LTBP1: variants seen among roughly 807,000 people sequenced by gnomAD.
The protein encoded by LTBP1 is latent-transforming growth factor beta-binding protein 1.
Under a neutral mutation model 207.6 loss-of-function variants are expected in LTBP1, and 129 were observed. The ratio of observed to expected loss-of-function variants is 0.62; its 90% CI spans 0.54 to 0.72. The LOEUF is 0.72. Among genes scored for constraint, LTBP1 ranks in the 30% least tolerant of loss-of-function variants. The pLI, the probability that LTBP1 is intolerant of heterozygous loss-of-function variation, is 0.00. For synonymous variants in LTBP1, 963 were observed against 833.7 expected, an observed-to-expected ratio of 1.16 and a Z score of -2.67; for missense variants, 2,281 against 2,217.2, an observed-to-expected ratio of 1.03 and a Z score of -0.58.
chr2:33,387,408 C>A (rs17012924), intron 31 of LTBP1, among the ~76,000 whole-genome samples: 1 of 152,164 alleles, frequency 6.6e-6, no homozygotes, highest in African/African-American at 2.4e-5. Flanking sequence ...AATCTTTTTC[C>A]AGGTTCGGCT....
chr2:33,176,811 C>G (rs1049944799), intron 5 of LTBP1, among the ~76,000 whole-genome samples: 4 of 152,252 alleles, frequency 2.6e-5, no homozygotes, highest in Middle Eastern at 6.8e-3. Context: ...GATTTCGACA[C>G]CTTGCACATC....
intron 2 of LTBP1, among the ~76,000 whole-genome samples, chr2:33,018,683 C>G (rs1688728176): frequency 6.6e-6 from 1 of 152,168 alleles, no homozygotes; most frequent in Admixed American, 6.5e-5. Context: ...ATTCTGAATT[C>G]TAGAAACACA....
chr2:33,305,083 G>A (rs767848564), intron 22 of LTBP1, among the ~76,000 whole-genome samples: 13 of 152,154 alleles, frequency 8.5e-5, no homozygotes, highest in Admixed American at 6.5e-5. Flanking sequence ...GGAGTTCCGA[G>A]GCAGGTGGAT....
chr2:33,183,166 G>A (rs909570633), intron 5 of LTBP1, among the ~76,000 whole-genome samples: 56 of 152,172 alleles, frequency 3.7e-4, no homozygotes, highest in Non-Finnish European at 7.3e-5. Context: ...TTACTTTAAT[G>A]TTAATTCCTT....
At chr2:32,977,624 G>A (rs1411003805) in intron 2 of LTBP1, among the ~76,000 whole-genome samples, 1 of 152,168 alleles carries the variant, frequency 6.6e-6, no homozygotes, top group African/African-American at 2.4e-5. Flanking sequence ...TAGAAGCATG[G>A]TTGGGTGTGC....
chr2:33,154,617 C>G (rs2083808238), intron 5 of LTBP1, among the ~76,000 whole-genome samples: 1 of 152,150 alleles, frequency 6.6e-6, no homozygotes, highest in Non-Finnish European at 1.5e-5. Flanking sequence ...GACCTTTCTA[C>G]TTTTGCTGTT....
chr2:33,298,819 G>A (rs2093930029), intron 20 of LTBP1, among the ~76,000 whole-genome samples: 1 of 152,040 alleles, frequency 6.6e-6, no homozygotes, highest in African/African-American at 2.4e-5. Flanking sequence ...AATAAAATAA[G>A]AAACAAATTT....
At chr2:33,276,388 G>C (rs1234643900) in intron 18 of LTBP1, among the ~76,000 whole-genome samples, 1 of 152,092 alleles carries the variant, frequency 6.6e-6, no homozygotes, top group Non-Finnish European at 1.5e-5. Context: ...GACAAACTTT[G>C]GTCAGATTCC....
intron 7 of LTBP1, among the ~76,000 whole-genome samples, chr2:33,199,392 G>C (rs934347959): frequency 2.0e-5 from 3 of 151,948 alleles, no homozygotes; most frequent in Non-Finnish European, 4.4e-5. Context: ...TGGGGTGGAG[G>C]GTTCTGTAGA....
chr2:33,328,298 C>G (rs1234215482), intron 24 of LTBP1, among the ~76,000 whole-genome samples: 1 of 152,084 alleles, frequency 6.6e-6, no homozygotes, highest in Non-Finnish European at 1.5e-5. Flanking sequence ...TATTCCCCAC[C>G]CTCATATCCA....
At chr2:33,076,541 C>T (rs2078089998) in intron 3 of LTBP1, among the ~76,000 whole-genome samples, 1 of 145,154 alleles carries the variant, frequency 6.9e-6, no homozygotes, top group Non-Finnish European at 1.5e-5. Context: ...ATTTCCCATC[C>T]TTTTTTTTTT....
chr2:33,395,097 C>T (rs1226640600), intron 32 of LTBP1, among the ~76,000 whole-genome samples: 1 of 152,136 alleles, frequency 6.6e-6, no homozygotes. Context: ...TTAATCTTTA[C>T]AAGGTAGAAA....
chr2:33,060,363 C>T (rs1168713611), intron 3 of LTBP1, among the ~76,000 whole-genome samples: 1 of 152,010 alleles, frequency 6.6e-6, no homozygotes, highest in East Asian at 1.9e-4. Context: ...AGATAATTGA[C>T]GTATCTCTAG....
At chr2:33,107,613 A>G (rs912706723) in intron 3 of LTBP1, among the ~76,000 whole-genome samples, 1 of 152,222 alleles carries the variant, frequency 6.6e-6, no homozygotes, top group Non-Finnish European at 1.5e-5. Context: ...GCATTGGGAT[A>G]GTAGCTCTTC....
chr2:33,057,376 C>T (rs534251426), intron 3 of LTBP1, among the ~76,000 whole-genome samples: 2 of 152,350 alleles, frequency 1.3e-5, no homozygotes, highest in South Asian at 2.1e-4. Flanking sequence ...CAGTGGGTCT[C>T]CCACTGGGGC....
chr2:33,159,426 G>A (rs745938686), intron 5 of LTBP1, among the ~76,000 whole-genome samples: 6 of 152,138 alleles, frequency 3.9e-5, no homozygotes, highest in Non-Finnish European at 5.9e-5. Context: ...CCTTTTAAAG[G>A]TAACATCACT....
At chr2:33,144,291 T>C (rs2082854731) in intron 5 of LTBP1, among the ~76,000 whole-genome samples, 1 of 152,194 alleles carries the variant, frequency 6.6e-6, no homozygotes, top group African/African-American at 2.4e-5. Flanking sequence ...GTTCTGTACT[T>C]GTTTACACTT....
intron 3 of LTBP1, among the ~76,000 whole-genome samples, chr2:33,076,825 G>A (rs559354709): frequency 0.073 from 2,195 of 29,978 alleles, 46 homozygotes; most frequent in African/African-American, 0.077. Context: ...ATGAGCCACC[G>A]CGCCCAGACC....
intron 7 of LTBP1, among the ~76,000 whole-genome samples, chr2:33,202,493 G>A (rs1380477624): frequency 2.6e-5 from 4 of 152,180 alleles, no homozygotes. Context: ...TCCTGGCAAC[G>A]TGAATATTAC....
Sources: gnomAD v4.1 joint callset for allele counts (sites outside exome capture counted in the v4.1 genomes callset) on GRCh38, gnomAD v4.1.1 for gene constraint, MANE v1.5 for transcripts, NCBI Gene and HGNC (gene_info 2026-07-23, HGNC 2026-07-21) for gene names.